PTPN6: variants seen among roughly 807,000 people sequenced by gnomAD.
The protein encoded by PTPN6 is tyrosine-protein phosphatase non-receptor type 6.
Under a neutral mutation model 81.5 loss-of-function variants are expected in PTPN6, and 18 were observed. That is an observed-to-expected ratio of 0.22 (90% confidence interval 0.15 to 0.33). PTPN6 has a LOEUF of 0.33. PTPN6 is among the 10% of genes least tolerant of loss of function. The probability of loss-of-function intolerance (pLI) is 1.00; values close to 1 mark genes in which losing one functional copy is unlikely to be tolerated. For missense variants in PTPN6, 500 were observed against 794.2 expected, an observed-to-expected ratio of 0.63 and a Z score of 4.45; for synonymous variants, 301 against 310.9, an observed-to-expected ratio of 0.97 and a Z score of 0.33.
chr12:6,947,226 G>T (rs979674403), upstream of PTPN6, among the ~76,000 whole-genome samples: 2 of 152,060 alleles, frequency 1.3e-5, no homozygotes, highest in African/African-American at 4.8e-5. Context: ...TATGCACCAG[G>T]TGCTGTTTAA....
At position 6,958,300 on chromosome 12, in the gene PTPN6, C is replaced by T. The variant is rs1946068635; in HGVS notation, c.1361+227C>T. On this transcript the variant is annotated intron_variant, in intron 11 of 15. Transcript: ENST00000318974. The stretch of plus-strand genomic sequence containing the variant: ...GTGGGTATCTTCCTCAGAGCCCTCT[C>T]CGGATGTACCATCTCGCCCAACCCT... 5.3e-5 allele frequency among the ~76,000 whole-genome samples: 8 copies of T among 152,312 alleles called. No individual in the cohort carries two copies. In the South Asian group the frequency reaches 1.7e-3, roughly 32 times the overall value.
chr12:6,959,665 A>T lies in PTPN6; in HGVS notation c.1362-262A>T. ...GGGCAGCCACTCACTAGGAGTGAGG[A>T]GTCGGCGCGAGGAGTGGAGGAGGGA... On this transcript the variant is annotated intron_variant, in intron 11 of 15. Coordinates refer to ENST00000318974, the MANE Select transcript of PTPN6 (RefSeq NM_002831.6). The surrounding 1 kb of genome is among the most constrained non-coding windows in gnomAD (Gnocchi z 6.6). The T allele has an allele frequency of 1.7e-6, 1 of 581,638 alleles. No homozygotes were observed. The highest frequency in any genetic ancestry group is 3.1e-6 in the Non-Finnish European group (1 of 324,768). 36.0% of individuals were successfully genotyped at this position (581,638 alleles called of 1,614,324 possible).
rs1196748464 is a variant in PTPN6, at chr12:6,955,997, T to A, written c.845-145T>A. On this transcript the variant is annotated intron_variant, in intron 7 of 15. Coordinates refer to ENST00000318974, the MANE Select transcript of PTPN6 (RefSeq NM_002831.6). This position sits in a 1 kb window ranked among gnomAD's most constrained non-coding sequence, Gnocchi z 7.2. ...TCCCTCACTCCCTCCATACAGATGA[T>A]CCCCCACCCCTGCTGCCCACAGTCC... The A allele has an allele frequency of 8.0e-6, 7 of 875,116 alleles. No homozygotes were observed. The highest frequency in any genetic ancestry group is 1.3e-5 in the Non-Finnish European group (7 of 536,388). 54.2% of individuals were successfully genotyped at this position (875,116 alleles called of 1,614,324 possible).
chr12:6,959,516 G>A lies in PTPN6; in HGVS notation c.1362-411G>A, dbSNP rs886834010. On this transcript the variant is annotated intron_variant, in intron 11 of 15. Coordinates refer to ENST00000318974, the MANE Select transcript of PTPN6 (RefSeq NM_002831.6). This position sits in a 1 kb window ranked among gnomAD's most constrained non-coding sequence, Gnocchi z 6.6. The stretch of plus-strand genomic sequence containing the variant: ...CCTGACGTCAGGGTTTGAAGGAAAA[G>A]GGAAGTGAAGCCATGCTGAGAGACG... 1 of 330,412 alleles carries A rather than the reference G, an allele frequency of 3.0e-6. No individual in the cohort carries two copies. The highest frequency in any genetic ancestry group is 4.6e-5 in the Admixed American group (1 of 21,786). 20.5% of individuals were successfully genotyped at this position (330,412 alleles called of 1,614,324 possible). A position where few individuals can be genotyped will look rare whatever the true frequency, so the allele number is the denominator to read the frequency against.
At position 6,952,179 on chromosome 12, in the gene PTPN6, T is replaced by C; in HGVS notation, c.326+2T>C. The C allele has an allele frequency of 6.2e-7, 1 of 1,612,908 alleles. No homozygotes were observed. The highest frequency in any genetic ancestry group is 8.5e-7 in the Non-Finnish European group (1 of 1,179,826). ...CTGCTCCGATCCCACTAGTGAGAGGTGAGGGCTCCGCACCCCCGCCATTCC... is the reference window on the plus strand; with the variant it reads ...CTGCTCCGATCCCACTAGTGAGAGGCGAGGGCTCCGCACCCCCGCCATTCC... On this transcript the variant is annotated splice_donor_variant, in intron 3 of 15. Coordinates refer to ENST00000318974, the MANE Select transcript of PTPN6 (RefSeq NM_002831.6). LOFTEE classifies it high-confidence loss of function. The surrounding 1 kb of genome is among the most constrained non-coding windows in gnomAD (Gnocchi z 8.1).
chr12:6,960,098 T>C lies in PTPN6; in HGVS notation c.1440T>C (p.Cys480=), dbSNP rs781837244. The change falls in exon 13 of 16, where the codon TGT becomes TGC. Residue 480 remains cysteine, a synonymous_variant. Transcript: ENST00000318974. This position sits in a 1 kb window ranked among gnomAD's most constrained non-coding sequence, Gnocchi z 6.1. ...CTGCCCCCCACCCAGGCCTGGACTGTGACATTGACATCCAGAAGACCATCC... is the reference window on the plus strand; with the variant it reads ...CTGCCCCCCACCCAGGCCTGGACTGCGACATTGACATCCAGAAGACCATCC... ...MENISTKGLD[C]DIDIQKTIQM... 1 of 1,613,696 alleles carries C rather than the reference T, an allele frequency of 6.2e-7. No individual in the cohort carries two copies. The highest frequency in any genetic ancestry group is 2.2e-5 in the East Asian group (1 of 44,880).
chr12:6,948,129 A>G (rs1346518005), upstream of PTPN6, among the ~76,000 whole-genome samples: 4 of 152,012 alleles, frequency 2.6e-5, no homozygotes, highest in Admixed American at 2.0e-4. Context: ...CTATTAAAAA[A>G]AAATACTGGG....
chr12:6,952,456 G>A lies in PTPN6; in HGVS notation c.326+279G>A. ...TGGCCGCTGCAACCCAGGTCCCACT[G>A]GAGACAGGGAGGCCACTGCTGGTGG... is the stretch of plus-strand genomic sequence containing the variant. On this transcript the variant is annotated intron_variant, in intron 3 of 15. Coordinates refer to ENST00000318974, the MANE Select transcript of PTPN6 (RefSeq NM_002831.6). This position sits in a 1 kb window ranked among gnomAD's most constrained non-coding sequence, Gnocchi z 8.1. 1.9e-6 allele frequency: 1 copy of A among 530,500 alleles called. No homozygotes were observed. The highest frequency in any genetic ancestry group is 3.4e-6 in the Non-Finnish European group (1 of 292,542). 32.9% of individuals were successfully genotyped at this position (530,500 alleles called of 1,614,324 possible).
At position 6,956,627 on chromosome 12, in the gene PTPN6, G is replaced by A. The variant is rs1555148789; in HGVS notation, c.1074+59G>A. The A allele has an allele frequency of 8.1e-6, 13 of 1,606,268 alleles. No individual in the cohort carries two copies. Among genetic ancestry groups the A allele is most frequent in the Admixed American group, 5.0e-5 (3 of 59,912 alleles). On this transcript the variant is annotated intron_variant, in intron 9 of 15. Transcript: ENST00000318974. This position sits in a 1 kb window ranked among gnomAD's most constrained non-coding sequence, Gnocchi z 4.1. ...GTGCTTGTGGTCATGCCATTAAGTC[G>A]AAGAGCAGTCAGATGCCAGGGCAGA... is the stretch of plus-strand genomic sequence containing the variant.
chr12:6,946,770 C>T (rs782347145), upstream of PTPN6: 7 of 1,603,302 alleles, frequency 4.4e-6, no homozygotes, highest in Admixed American at 6.7e-5. Flanking sequence ...GGGTCCCAGT[C>T]TCCTGTTAGT....
chr12:6,958,318 C>T (rs1946069328), intron 11 of PTPN6, among the ~76,000 whole-genome samples: 1 of 152,196 alleles, frequency 6.6e-6, no homozygotes, highest in Non-Finnish European at 1.5e-5. Flanking sequence ...ACCATCTCGC[C>T]CAACCCTGCC....
rs1555149035 is a variant in PTPN6, at chr12:6,958,023, C to T, written c.1311C>T (p.Asn437=). ...GGVLSFLDQI[N]QRQESLPHAG... Reference sequence around the variant, plus strand: ...TCCTCAGCTTCCTGGACCAGATCAACCAGCGGCAGGAAAGTCTGCCTCACG... The same window carrying T: ...TCCTCAGCTTCCTGGACCAGATCAATCAGCGGCAGGAAAGTCTGCCTCACG... The change falls in exon 11 of 16, where the codon AAC becomes AAT. Residue 437 remains asparagine (N), a synonymous_variant. Transcript: ENST00000318974. The T allele has an allele frequency of 1.2e-6, 2 of 1,613,474 alleles. No individual in the cohort carries two copies. The highest frequency in any genetic ancestry group is 1.1e-5 in the South Asian group (1 of 91,080).
upstream of PTPN6, among the ~76,000 whole-genome samples, chr12:6,947,477 C>T (rs113837220): frequency 0.028 from 4,218 of 151,974 alleles, 172 homozygotes; most frequent in African/African-American, 0.096. Context: ...TGAGACCAGC[C>T]TGGCCAATAT....
chr12:6,946,742 A>G (rs1945825078), upstream of PTPN6: 2 of 1,611,712 alleles, frequency 1.2e-6, no homozygotes, highest in Non-Finnish European at 1.7e-6. Flanking sequence ...TCCCGTGGGT[A>G]AGTCCCGGGC....
upstream of PTPN6, among the ~76,000 whole-genome samples, chr12:6,950,631 G>A (rs981479831): frequency 1.3e-5 from 2 of 152,170 alleles, no homozygotes; most frequent in Admixed American, 6.5e-5. Flanking sequence ...ATGTTGGTTA[G>A]AGGAGGGCAC....
chr12:6,948,691 A>T (rs1292189557), upstream of PTPN6, among the ~76,000 whole-genome samples: 1 of 152,062 alleles, frequency 6.6e-6, no homozygotes, highest in African/African-American at 2.4e-5. Flanking sequence ...CTGTAATCCC[A>T]GCACTTTGGG....
At chr12:6,946,690 G>A, upstream of PTPN6, 1 of 1,598,508 alleles carries the variant, frequency 6.3e-7, no homozygotes, top group East Asian at 2.2e-5. Flanking sequence ...CGCCCCCTGC[G>A]GCCCTCTGCC....
rs1037965447 is a variant in PTPN6 at position 6,959,716 on chromosome 12, C to A, written c.1362-211C>A. On this transcript the variant is annotated intron_variant, in intron 11 of 15. Coordinates refer to ENST00000318974, the MANE Select transcript of PTPN6 (RefSeq NM_002831.6). This position sits in a 1 kb window ranked among gnomAD's most constrained non-coding sequence, Gnocchi z 6.6. ...AGGATGGTGGCAGCTGGGGAGCCAG[C>A]GTCAGCACCGCAGAGCCCGAGGTGG... 6.0e-5 allele frequency: 37 copies of A among 614,986 alleles called. 1 individual carries two copies. In the Middle Eastern group the frequency reaches 2.6e-3, roughly 43 times the overall value. The allele number at this position is 614,986 out of a possible 1,614,324, so 38.1% of individuals were successfully genotyped here. A position where few individuals can be genotyped will look rare whatever the true frequency, so the allele number is the denominator to read the frequency against.
upstream of PTPN6, chr12:6,946,735 C>G (rs1395886541): frequency 2.5e-6 from 4 of 1,612,198 alleles, no homozygotes; most frequent in Admixed American, 3.3e-5. Context: ...GATGCTGTCC[C>G]GTGGGTAAGT....
Sources: gnomAD v4.1 joint callset for allele counts (sites outside exome capture counted in the v4.1 genomes callset) on GRCh38, gnomAD v4.1.1 for gene constraint, Gnocchi (gnomAD v3.1) non-coding constraint, MANE v1.5 for transcripts, NCBI Gene and HGNC (gene_info 2026-07-23, HGNC 2026-07-21) for gene names.